Variants in IFT140 observed in about 807,000 individuals in gnomAD.
IFT140 encodes intraflagellar transport protein 140 homolog.
In IFT140, 133 loss-of-function variants were observed where a neutral mutation model predicts 164.6. The observed-to-expected ratio is 0.81, with a 90% confidence interval of 0.70 to 0.93. The LOEUF is 0.93. IFT140 is among the 40% of genes least tolerant of loss of function. IFT140 has a pLI of 0.00. For missense variants in IFT140, 2,045 were observed against 1,972.3 expected, an observed-to-expected ratio of 1.04 and a Z score of -0.70; for synonymous variants, 860 against 817.3, an observed-to-expected ratio of 1.05 and a Z score of -0.89.
intron 2 of IFT140, chr16:1,610,275 G>C (rs1020963943): frequency 1.3e-5 from 2 of 154,910 alleles, no homozygotes; most frequent in African/African-American, 4.8e-5. Context: ...GATGCAACAC[G>C]ACCCTCAGGG....
chr16:1,586,059 C>G, intron 10 of IFT140, 71 bp downstream of exon 10: 10 of 1,585,930 alleles, frequency 6.3e-6, no homozygotes, highest in Non-Finnish European at 8.6e-6. Context: ...GCGTGAGCCA[C>G]CGCGCCCGGC....
chr16:1,565,229 G>GT (rs2033646616), intron 16 of IFT140, among the ~76,000 whole-genome samples: 1 of 152,186 alleles, frequency 6.6e-6, no homozygotes, highest in Non-Finnish European at 1.5e-5. Flanking sequence ...TAGAGGAAGG[G>GT]TTCGAGGAGC....
At chr16:1,589,956 G>T (rs2035088829) in intron 6 of IFT140, among the ~76,000 whole-genome samples, 176 bp from the exon 7 acceptor site, 1 of 152,174 alleles carries the variant, frequency 6.6e-6, no homozygotes. Context: ...CAGCACTTTG[G>T]GAGGCCGAGG....
intron 30 of IFT140, among the ~76,000 whole-genome samples, chr16:1,517,782 C>T (rs997094371): frequency 3.9e-5 from 6 of 152,170 alleles, no homozygotes; most frequent in African/African-American, 9.7e-5. Flanking sequence ...CGCTTTCCTG[C>T]GACACTGCTA....
chr16:1,512,810 C>G (rs912599187), intron 30 of IFT140, among the ~76,000 whole-genome samples: 23 of 152,054 alleles, frequency 1.5e-4, no homozygotes, highest in African/African-American at 4.6e-4. Context: ...CAAGCAACAA[C>G]AAAAAAGAAA....
At chr16:1,569,003 GTTTT>G (rs58205807) in intron 14 of IFT140, among the ~76,000 whole-genome samples, 2 of 126,290 alleles carry the variant, frequency 1.6e-5, no homozygotes, top group East Asian at 4.6e-4. Context: ...GTGGTAGCTT[GTTTT>G]TTTTTTTTTT....
chr16:1,526,425 GCCGGCGGTCGCCTAGCCT>G (rs2040698723), intron 20 of IFT140, 176 bp downstream of exon 20: 1 of 640,012 alleles, frequency 1.6e-6, no homozygotes, highest in Non-Finnish European at 2.6e-6. Context: ...ACCCTGGAGA[GCCGGCGGTCGCCTAGCCT>G]CCACCCACCT....
At chr16:1,585,775 T>C (rs2141834387) in intron 10 of IFT140, among the ~76,000 whole-genome samples, 1 of 146,218 alleles carries the variant, frequency 6.8e-6, no homozygotes, top group East Asian at 2.0e-4. Flanking sequence ...TCTTTTTTTT[T>C]TTTTTTTTTT....
At chr16:1,557,566 C>T in intron 19 of IFT140, 1 of 205,660 alleles carries the variant, frequency 4.9e-6, no homozygotes, top group African/African-American at 2.3e-5. Context: ...TGATTGATAC[C>T]CTCTTTCAGA....
rs2036292362 is a variant in IFT140, at chr16:1,610,681, G to A, written c.-49C>T. 5 of 152,554 alleles carry A rather than the reference G, an allele frequency of 3.3e-5. No individual in the cohort carries two copies. 9.5% of individuals were successfully genotyped at this position (152,554 alleles called of 1,614,324 possible). A position where few individuals can be genotyped will look rare whatever the true frequency, so the allele number is the denominator to read the frequency against. ...CCACTCACCTCTGCCAGGCCGCTGA[G>A]CCGCCGCGCGTTGCCGGGACAACGG... On this transcript the variant is annotated 5_prime_UTR_variant, in exon 2 of 31. Transcript: ENST00000426508.
At chr16:1,527,433 G>A (rs543411026) in intron 19 of IFT140, among the ~76,000 whole-genome samples, 5 of 152,284 alleles carry the variant, frequency 3.3e-5, no homozygotes, top group East Asian at 3.9e-4. Context: ...AGTGGGTCAC[G>A]GGGGACAGCA....
chr16:1,602,048 C>G (rs1162666013), intron 4 of IFT140, among the ~76,000 whole-genome samples: 10 of 152,174 alleles, frequency 6.6e-5, no homozygotes, highest in Non-Finnish European at 1.3e-4. Context: ...GCCCCATGTC[C>G]CCTGGGGGGC....
chr16:1,567,917 C>T (rs1014528662), intron 15 of IFT140, among the ~76,000 whole-genome samples: 1 of 152,184 alleles, frequency 6.6e-6, no homozygotes, highest in Non-Finnish European at 1.5e-5. Context: ...GAAGAGGAAG[C>T]GAGCAACTCT....
At chr16:1,516,755 G>C (rs1697532065) in intron 30 of IFT140, among the ~76,000 whole-genome samples, 1 of 139,364 alleles carries the variant, frequency 7.2e-6, no homozygotes, top group Non-Finnish European at 1.5e-5. Flanking sequence ...GGGCGACAGA[G>C]CGACACTCTG....
chr16:1,534,662 C>T, intron 19 of IFT140: 1 of 1,518,254 alleles, frequency 6.6e-7, no homozygotes, highest in South Asian at 1.1e-5. Flanking sequence ...CTGGCCCCTG[C>T]TCTGCCCTGA....
rs563104652 is a variant in IFT140 at position 1,545,719 on chromosome 16, C to G, written c.2399+12216G>C. Among the ~76,000 whole-genome samples the G allele has an allele frequency of 3.3e-5, 5 of 152,294 alleles. No homozygotes were observed. The South Asian group carries it at 1.0e-3, about 32-fold the overall frequency. On this transcript the variant is annotated intron_variant, in intron 19 of 30. Coordinates refer to ENST00000426508, the MANE Select transcript of IFT140 (RefSeq NM_014714.4). ...AAAAGTACATGGAATTATGGGGAGG[C>G]TGGAATACCCTGGAAAGCCAGAGTG...
intron 19 of IFT140, among the ~76,000 whole-genome samples, chr16:1,528,251 C>G (rs68112448): frequency 0.086 from 13,145 of 152,024 alleles, 798 homozygotes; most frequent in African/African-American, 0.16. Flanking sequence ...CTGGTCACTT[C>G]CTGAATCTCT....
chr16:1,586,068 GC>G, intron 10 of IFT140, 61 bp downstream of exon 10: 1 of 1,596,314 alleles, frequency 6.3e-7, no homozygotes, highest in East Asian at 2.2e-5. Flanking sequence ...ACCGCGCCCG[GC>G]CATGGTCTCC....
intron 26 of IFT140, among the ~76,000 whole-genome samples, chr16:1,523,159 C>T (rs941476646): frequency 1.7e-4 from 25 of 148,734 alleles, no homozygotes; most frequent in African/African-American, 6.2e-4. Flanking sequence ...GTTGAGGCTG[C>T]AGTGAACCAA....
Sources: allele counts gnomAD v4.1 joint callset (sites outside exome capture counted in the v4.1 genomes callset), GRCh38; gene constraint gnomAD v4.1.1; transcripts MANE v1.5; gene names NCBI Gene and HGNC (gene_info 2026-07-23, HGNC 2026-07-21).